CCBE1: variants seen among roughly 807,000 people sequenced by gnomAD.
CCBE1 encodes collagen and calcium binding EGF domains 1.
Under a neutral mutation model 50.0 loss-of-function variants are expected in CCBE1, and 37 were observed. The ratio of observed to expected loss-of-function variants is 0.74; its 90% CI spans 0.57 to 0.97. The LOEUF is 0.97. Ranked by LOEUF, CCBE1 falls within the 50% of genes least tolerant of loss-of-function variation. The pLI is 0.00. For missense variants in CCBE1, 538 were observed against 523.8 expected (o/e 1.03, Z -0.26); for synonymous variants, 234 against 203.7 (o/e 1.15, Z -1.27).
chr18:59,486,934 A>G (rs1202904974), intron 2 of CCBE1, among the ~76,000 whole-genome samples: 2 of 151,942 alleles, frequency 1.3e-5, no homozygotes, highest in African/African-American at 4.8e-5. Flanking sequence ...CAATATTAAG[A>G]GAATCATAAA....
intron 2 of CCBE1, among the ~76,000 whole-genome samples, chr18:59,680,477 T>A (rs796706595): frequency 1.3e-4 from 20 of 151,792 alleles, no homozygotes; most frequent in African/African-American, 4.3e-4. Flanking sequence ...GGCGGGAGGA[T>A]CACGAGGTCA....
rs1405582921 is a variant in CCBE1 at position 59,525,030 on chromosome 18, T to TGA, written c.213-44794_213-44793dup. ...TTTGCTATTGTGAATGGTGCTGTAA[T>TGA]GAACATACATGTGCATGTATCTTTA... On this transcript the variant is annotated intron_variant, in intron 2 of 10. Coordinates refer to ENST00000439986, the MANE Select transcript of CCBE1 (RefSeq NM_133459.4). 8.7e-4 allele frequency among the ~76,000 whole-genome samples: 132 copies of TGA among 152,362 alleles called. 4 individuals are homozygous for TGA. Among genetic ancestry groups the TGA allele is most frequent in the Admixed American group, 8.6e-3 (132 of 15,306 alleles).
chr18:59,688,014 A>G (rs1396438455), intron 2 of CCBE1, among the ~76,000 whole-genome samples: 1 of 152,216 alleles, frequency 6.6e-6, no homozygotes, highest in African/African-American at 2.4e-5. Context: ...GTACCTGTAT[A>G]GTGTTATAAT....
intron 2 of CCBE1, among the ~76,000 whole-genome samples, chr18:59,591,245 C>CA (rs58325003): frequency 0.018 from 39 of 2,116 alleles, 18 homozygotes; most frequent in African/African-American, 0.046. Flanking sequence ...GACTCCGTCT[C>CA]AAAAAAAAAA....
At chr18:59,649,093 C>T (rs1364529319) in intron 2 of CCBE1, among the ~76,000 whole-genome samples, 1 of 152,198 alleles carries the variant, frequency 6.6e-6, no homozygotes, top group Non-Finnish European at 1.5e-5. Flanking sequence ...TTACAAACTT[C>T]AATGTGTATT....
Position 59,528,459 on chromosome 18 carries a change from A to G in CCBE1, c.213-48221T>C, listed in dbSNP as rs543989209. The stretch of plus-strand genomic sequence containing the variant: ...CGTTATTACCCACCTTCTGAAGCCT[A>G]CTTCTGTCAGTTCATCCATCTCAGC... On this transcript the variant is annotated intron_variant, in intron 2 of 10. Coordinates refer to ENST00000439986, the MANE Select transcript of CCBE1 (RefSeq NM_133459.4). Among the ~76,000 whole-genome samples, 7 of 152,296 alleles carry G rather than the reference A, an allele frequency of 4.6e-5. No individual in the cohort carries two copies. In the South Asian group the frequency reaches 1.5e-3, roughly 32 times the overall value.
At chr18:59,485,985 T>C (rs920987776) in intron 2 of CCBE1, among the ~76,000 whole-genome samples, 12 of 151,964 alleles carry the variant, frequency 7.9e-5, no homozygotes, top group African/African-American at 2.7e-4. Context: ...GTGTAACAAA[T>C]GGAGCATTGG....
chr18:59,525,703 T>C (rs1479251077), intron 2 of CCBE1, among the ~76,000 whole-genome samples: 2 of 152,224 alleles, frequency 1.3e-5, no homozygotes, highest in African/African-American at 4.8e-5. Context: ...TTGATTTTCT[T>C]CTAGGGTTTT....
In CCBE1 at chr18:59,635,613, G is replaced by A. The variant is rs139600112; in HGVS notation, c.212+61016C>T. Among the ~76,000 whole-genome samples the A allele has an allele frequency of 6.9e-3, 1,056 of 152,212 alleles. 8 individuals carry two copies. Among genetic ancestry groups the A allele is most frequent in the Non-Finnish European group, 9.5e-3 (644 of 68,004 alleles). On this transcript the variant is annotated intron_variant, in intron 2 of 10. Coordinates refer to ENST00000439986, the MANE Select transcript of CCBE1 (RefSeq NM_133459.4). ...TCTAATAAAATACTGTGTTATTCAG[G>A]AAGAGAAGAAGATATTTGTGAACAA...
chr18:59,605,535 C>T (rs1163221376), intron 2 of CCBE1, among the ~76,000 whole-genome samples: 3 of 152,106 alleles, frequency 2.0e-5, no homozygotes, highest in Non-Finnish European at 2.9e-5. Flanking sequence ...CCAGCATTCC[C>T]CACTGGTCAG....
chr18:59,693,075 C>A (rs1002888735), intron 2 of CCBE1, among the ~76,000 whole-genome samples: 1 of 152,032 alleles, frequency 6.6e-6, no homozygotes, highest in East Asian at 1.9e-4. Context: ...TCAGTTGGAG[C>A]GAGCATACCC....
rs147074379 is a variant in CCBE1 at position 59,485,029 on chromosome 18, A to G, written c.213-4791T>C. On this transcript the variant is annotated intron_variant, in intron 2 of 10. Transcript: ENST00000439986. ...CTACAAACACTGCTGTGTGGTTTTTATCTTTAGAAAAACAAACTAAGATGG... is the reference window on the plus strand; with the variant it reads ...CTACAAACACTGCTGTGTGGTTTTTGTCTTTAGAAAAACAAACTAAGATGG... Among the ~76,000 whole-genome samples, 14 of 152,358 alleles carry G rather than the reference A, an allele frequency of 9.2e-5. No homozygotes were observed. The East Asian group carries it at 2.3e-3, about 25-fold the overall frequency.
In CCBE1 at chr18:59,654,130, G is replaced by A. The variant is rs1038371279; in HGVS notation, c.212+42499C>T. Among the ~76,000 whole-genome samples, 3 of 152,322 alleles carry A rather than the reference G, an allele frequency of 2.0e-5. No homozygotes were observed. In the South Asian group the frequency reaches 6.2e-4, roughly 32 times the overall value. Reference sequence around the variant, plus strand: ...CTGTTTAATGGCCAAGTACTGATGGGATAAACAGTGAAGAAGGAAAACACC... The same window carrying A: ...CTGTTTAATGGCCAAGTACTGATGGAATAAACAGTGAAGAAGGAAAACACC... On this transcript the variant is annotated intron_variant, in intron 2 of 10. Transcript: ENST00000439986.
At chr18:59,623,311 A>T (rs778798977) in intron 2 of CCBE1, among the ~76,000 whole-genome samples, 1 of 152,200 alleles carries the variant, frequency 6.6e-6, no homozygotes, top group Non-Finnish European at 1.5e-5. Context: ...GGTCCTTCAG[A>T]AACATTTTCT....
At chr18:59,453,525 G>A (rs549909196) in intron 6 of CCBE1, among the ~76,000 whole-genome samples, 7 of 152,234 alleles carry the variant, frequency 4.6e-5, no homozygotes, top group South Asian at 4.1e-4. Context: ...AGCAGATCAC[G>A]TCATCAGAGT....
At chr18:59,572,036 T>A (rs577036104) in intron 2 of CCBE1, among the ~76,000 whole-genome samples, 22 of 152,290 alleles carry the variant, frequency 1.4e-4, no homozygotes, top group Non-Finnish European at 7.4e-5. Context: ...GACACCAAAG[T>A]GGGTTTTTAT....
intron 2 of CCBE1, among the ~76,000 whole-genome samples, chr18:59,569,323 G>C (rs959349744): frequency 6.6e-6 from 1 of 152,198 alleles, no homozygotes; most frequent in Non-Finnish European, 1.5e-5. Context: ...CTAGCAGTCT[G>C]TCCTAAAAAT....
intron 2 of CCBE1, among the ~76,000 whole-genome samples, chr18:59,547,625 A>G (rs1479234411): frequency 1.3e-5 from 2 of 152,198 alleles, no homozygotes; most frequent in African/African-American, 4.8e-5. Context: ...CACACCTGAT[A>G]AAGATTTCAA....
intron 2 of CCBE1, among the ~76,000 whole-genome samples, chr18:59,690,085 T>G (rs1161176064): frequency 6.6e-6 from 1 of 152,226 alleles, no homozygotes; most frequent in Non-Finnish European, 1.5e-5. Flanking sequence ...TAAAGGGAAT[T>G]AAAATTCCTT....
Sources: allele counts gnomAD v4.1 joint callset (sites outside exome capture counted in the v4.1 genomes callset), GRCh38; gene constraint gnomAD v4.1.1; transcripts MANE v1.5; gene names NCBI Gene and HGNC (gene_info 2026-07-23, HGNC 2026-07-21).